EGFR: variants seen among roughly 807,000 people sequenced by gnomAD.
EGFR encodes the protein avian erythroblastic leukemia viral (v-erb-b) oncogene homolog.
In EGFR, 58 loss-of-function variants were observed where a neutral mutation model predicts 143.0. The ratio of observed to expected loss-of-function variants is 0.41; its 90% CI spans 0.33 to 0.50. The LOEUF (loss-of-function observed/expected upper bound fraction) is 0.50, where lower values mean the gene tolerates loss of function less well. Ranked by LOEUF, EGFR falls within the 20% of genes least tolerant of loss-of-function variation. EGFR has a pLI of 0.39. For synonymous variants in EGFR, 613 were observed against 594.4 expected (o/e 1.03, Z -0.45); for missense variants, 1,307 against 1,579.0 (o/e 0.83, Z 2.92).
intron 1 of EGFR, among the ~76,000 whole-genome samples, chr7:55,045,499 T>C (rs142581942): frequency 1.3e-5 from 2 of 152,096 alleles, no homozygotes; most frequent in Admixed American, 1.3e-4. Flanking sequence ...ACAGCTAAGG[T>C]TCCTTCCGTC....
intron 13 of EGFR, among the ~76,000 whole-genome samples, 160 bp from the exon 14 acceptor site, chr7:55,163,573 G>T (rs1388934062): frequency 6.6e-6 from 1 of 152,180 alleles, no homozygotes; most frequent in African/African-American, 2.4e-5. Context: ...GATGACCCAG[G>T]ATTCAGTTAA....
chr7:55,112,573 C>A (rs1792574917), intron 1 of EGFR, among the ~76,000 whole-genome samples: 1 of 152,210 alleles, frequency 6.6e-6, no homozygotes, highest in South Asian at 2.1e-4. Context: ...ATGGCTGCCC[C>A]CTCAGAAGGC....
chr7:55,179,284 G>C (rs1786746219), intron 19 of EGFR, among the ~76,000 whole-genome samples: 1 of 152,236 alleles, frequency 6.6e-6, no homozygotes, highest in Non-Finnish European at 1.5e-5. Context: ...TGTTCATATG[G>C]AAGGCTAGGC....
intron 1 of EGFR, among the ~76,000 whole-genome samples, chr7:55,065,661 A>G (rs1175406161): frequency 6.6e-6 from 1 of 152,184 alleles, no homozygotes; most frequent in African/African-American, 2.4e-5. Context: ...GAATTCAACC[A>G]GCGATGAGTT....
intron 1 of EGFR, among the ~76,000 whole-genome samples, chr7:55,072,658 T>C (rs1789902088): frequency 6.6e-6 from 1 of 152,232 alleles, no homozygotes; most frequent in Non-Finnish European, 1.5e-5. Flanking sequence ...ACAGTGGTAG[T>C]CCCATCATTT....
At chr7:55,033,062 A>C (rs1056834093) in intron 1 of EGFR, among the ~76,000 whole-genome samples, 5 of 152,226 alleles carry the variant, frequency 3.3e-5, no homozygotes, top group African/African-American at 1.2e-4. Flanking sequence ...TGATTTTCTC[A>C]ATCTGAAAAT....
chr7:55,068,407 G>A (rs190138184), intron 1 of EGFR, among the ~76,000 whole-genome samples: 1 of 152,256 alleles, frequency 6.6e-6, no homozygotes, highest in East Asian at 1.9e-4. Flanking sequence ...AGTTTACTTG[G>A]ACGTAGAGTT....
chr7:55,171,095 T>C lies in EGFR; in HGVS notation c.1881-80T>C, dbSNP rs1483031650. 5.6e-6 allele frequency: 9 copies of C among 1,597,042 alleles called. No individual in the cohort carries two copies. The South Asian group carries it at 6.7e-5, about 12-fold the overall frequency. On this transcript the variant is annotated intron_variant, in intron 15 of 27. Transcript: ENST00000275493. ...GAGTAGTTTAGCATATATTGCTTTA[T>C]GATTTAATTAAAAATCTCCAAAATA...
chr7:55,155,965 T>G lies in EGFR; in HGVS notation c.1006+19T>G. 5 of 1,590,910 alleles carry G rather than the reference T, an allele frequency of 3.1e-6. No homozygotes were observed. The highest frequency in any genetic ancestry group is 4.3e-6 in the Non-Finnish European group (5 of 1,161,042). ...CGCAAAGGTAGGAAGCCCGCCGGTGTGCGGACGAGGCTTGTTCTCGGCTGC... is the reference window on the plus strand; with the variant it reads ...CGCAAAGGTAGGAAGCCCGCCGGTGGGCGGACGAGGCTTGTTCTCGGCTGC... On this transcript the variant is annotated intron_variant, in intron 8 of 27. Coordinates refer to ENST00000275493, the MANE Select transcript of EGFR (RefSeq NM_005228.5).
At chr7:55,179,524 G>T (rs886784857) in intron 19 of EGFR, among the ~76,000 whole-genome samples, 1 of 152,244 alleles carries the variant, frequency 6.6e-6, no homozygotes, top group African/African-American at 2.4e-5. Context: ...AGGGTGGAGG[G>T]AAGCTCTCCT....
intron 1 of EGFR, among the ~76,000 whole-genome samples, chr7:55,081,886 C>A (rs1454514071): frequency 6.6e-6 from 1 of 152,208 alleles, no homozygotes; most frequent in Admixed American, 6.5e-5. Flanking sequence ...ACATTTTTGA[C>A]CTTACCAAAG....
Position 55,111,190 on chromosome 7 carries a change from T to C in EGFR, c.89-31096T>C, listed in dbSNP as rs112531225. On this transcript the variant is annotated intron_variant, in intron 1 of 27. Coordinates refer to ENST00000275493, the MANE Select transcript of EGFR (RefSeq NM_005228.5). ...TCTCTGCCTGGCCCGCTGAGTCCTC[T>C]AACTCTAATGGATTCCTTCTTACAC... Among the ~76,000 whole-genome samples the C allele has an allele frequency of 2.0e-3, 300 of 152,306 alleles. 1 individual carries two copies. Among genetic ancestry groups the C allele is most frequent in the Non-Finnish European group, 3.6e-3 (242 of 68,030 alleles).
intron 13 of EGFR, among the ~76,000 whole-genome samples, chr7:55,162,957 A>AT (rs1785780940): frequency 1.3e-5 from 2 of 152,214 alleles, no homozygotes; most frequent in South Asian, 4.2e-4. Flanking sequence ...TGTCCAGCTA[A>AT]TTTTTTGTAG....
chr7:55,124,817 A>T (rs1793426979), intron 1 of EGFR, among the ~76,000 whole-genome samples: 1 of 152,174 alleles, frequency 6.6e-6, no homozygotes, highest in Non-Finnish European at 1.5e-5. Context: ...ACTCACTCGA[A>T]CATTCCCGAT....
chr7:55,102,232 C>T (rs1791876760), intron 1 of EGFR, among the ~76,000 whole-genome samples: 1 of 152,148 alleles, frequency 6.6e-6, no homozygotes, highest in Admixed American at 6.5e-5. Flanking sequence ...GGAAAGATTC[C>T]CACCTGCCCC....
chr7:55,192,453 C>T (rs964807770), intron 21 of EGFR, among the ~76,000 whole-genome samples: 1 of 152,178 alleles, frequency 6.6e-6, no homozygotes, highest in East Asian at 1.9e-4. Flanking sequence ...TAGCAGCCAC[C>T]AACCCATGAT....
intron 1 of EGFR, among the ~76,000 whole-genome samples, chr7:55,058,207 A>G (rs1369440455): frequency 1.3e-5 from 2 of 152,224 alleles, no homozygotes; most frequent in Non-Finnish European, 2.9e-5. Flanking sequence ...CAGCCTGGCC[A>G]AGATGGTGAA....
rs2128976427 is a variant in EGFR, at chr7:55,207,812, A to G, written c.*2195A>G. 1 of 152,398 alleles carries G rather than the reference A, an allele frequency of 6.6e-6. No homozygotes were observed. Among genetic ancestry groups the G allele is most frequent in the East Asian group, 1.9e-4 (1 of 5,188 alleles). 9.4% of individuals were successfully genotyped at this position (152,398 alleles called of 1,614,324 possible). On this transcript the variant is annotated 3_prime_UTR_variant, in exon 28 of 28. Coordinates refer to ENST00000275493, the MANE Select transcript of EGFR (RefSeq NM_005228.5). Reference sequence around the variant, plus strand: ...GGGGATTTTGAGCTATCATCTCTGCACATGCTTAGTGAGAAGACTACACAA... The same window carrying G: ...GGGGATTTTGAGCTATCATCTCTGCGCATGCTTAGTGAGAAGACTACACAA...
At chr7:55,092,464 G>T (rs983282702) in intron 1 of EGFR, among the ~76,000 whole-genome samples, 2 of 152,152 alleles carry the variant, frequency 1.3e-5, no homozygotes, top group Non-Finnish European at 2.9e-5. Flanking sequence ...ATAGTGTAGG[G>T]CACTTGCAAT....
Sources: gnomAD v4.1 joint callset for allele counts (sites outside exome capture counted in the v4.1 genomes callset) on GRCh38, gnomAD v4.1.1 for gene constraint, MANE v1.5 for transcripts, NCBI Gene and HGNC (gene_info 2026-07-23, HGNC 2026-07-21) for gene names.